Variants in MTIF2 observed in about 807,000 individuals in gnomAD.
MTIF2 encodes the protein translation initiation factor IF-2, mitochondrial.
A neutral mutation model predicts 83.5 loss-of-function variants in MTIF2; 71 were observed. That is an observed-to-expected ratio of 0.85 (90% CI 0.70 to 1.04). MTIF2 has a LOEUF of 1.04. Among genes scored for constraint, MTIF2 ranks in the 50% least tolerant of loss-of-function variants. The pLI is 0.00. For synonymous variants in MTIF2, 319 were observed against 287.1 expected (o/e 1.11, Z -1.12); for missense variants, 957 against 846.5 (o/e 1.13, Z -1.62).
intron 5 of MTIF2, among the ~76,000 whole-genome samples, chr2:55,255,889 T>C (rs953680238): frequency 6.6e-6 from 1 of 152,086 alleles, no homozygotes; most frequent in Non-Finnish European, 1.5e-5. Flanking sequence ...TTTCTCTTTT[T>C]TTTTGGGACA....
intron 5 of MTIF2, 21 bp from the exon 6 acceptor site, chr2:55,254,846 C>T: frequency 1.4e-6 from 2 of 1,449,834 alleles, no homozygotes; most frequent in Non-Finnish European, 1.8e-6. Flanking sequence ...TAAAATAAAA[C>T]CTTTTAGGAT....
At chr2:55,237,649 CTTTTTTT>C (rs536036933) in intron 14 of MTIF2, among the ~76,000 whole-genome samples, 11 of 112,988 alleles carry the variant, frequency 9.7e-5, no homozygotes, top group South Asian at 2.8e-4. Flanking sequence ...TTCTTTTTTT[CTTTTTTT>C]TTTTTTTTTT....
Position 55,236,613 on chromosome 2 carries a change from C to T in MTIF2, c.*35G>A. On this transcript the variant is annotated 3_prime_UTR_variant, in exon 16 of 16. Transcript: ENST00000263629. ...TAGTGCATTTCTACCTTCAAACAAA[C>T]AACACGTTGAGTTATTTACATTTTT... 3 of 1,537,154 alleles carry T rather than the reference C, an allele frequency of 2.0e-6. No individual in the cohort carries two copies. The highest frequency in any genetic ancestry group is 2.6e-6 in the Non-Finnish European group (3 of 1,144,414).
intron 15 of MTIF2, 74 bp downstream of exon 15, chr2:55,237,214 A>T: frequency 1.4e-6 from 2 of 1,467,358 alleles, no homozygotes; most frequent in Non-Finnish European, 1.8e-6. Flanking sequence ...AGATGAACAG[A>T]TTTCAGATGG....
intron 5 of MTIF2, among the ~76,000 whole-genome samples, chr2:55,258,704 C>T (rs893780842): frequency 6.7e-6 from 1 of 149,800 alleles, no homozygotes; most frequent in Non-Finnish European, 1.5e-5. Flanking sequence ...CCCAGCTACT[C>T]GGGAGGCTGA....
intron 3 of MTIF2, among the ~76,000 whole-genome samples, chr2:55,265,651 A>G (rs573848990): frequency 1.4e-4 from 22 of 152,194 alleles, no homozygotes; most frequent in Middle Eastern, 3.4e-3. Flanking sequence ...ACATTTTAAT[A>G]TATATATTTT....
chr2:55,261,928 C>CAA (rs1356217453), intron 5 of MTIF2, among the ~76,000 whole-genome samples: 6 of 37,084 alleles, frequency 1.6e-4, no homozygotes, highest in Non-Finnish European at 2.7e-4. Context: ...GACCCTGTCT[C>CAA]AAAAAAAAAA....
intron 5 of MTIF2, among the ~76,000 whole-genome samples, chr2:55,255,458 A>T (rs1677443360): frequency 6.8e-6 from 1 of 146,352 alleles, no homozygotes; most frequent in African/African-American, 2.5e-5. Flanking sequence ...TATATATATA[A>T]ATCAAATATG....
chr2:55,249,665 A>G, intron 8 of MTIF2, 131 bp from the exon 9 acceptor site: 2 of 996,298 alleles, frequency 2.0e-6, no homozygotes, highest in South Asian at 3.3e-5. Flanking sequence ...ACAAAAGGCC[A>G]AAATGACCCA....
intron 3 of MTIF2, among the ~76,000 whole-genome samples, chr2:55,267,358 C>T (rs752234218): frequency 6.6e-6 from 1 of 151,920 alleles, no homozygotes; most frequent in Non-Finnish European, 1.5e-5. Flanking sequence ...GGGGTTTCAC[C>T]GTGTTGGCCA....
At chr2:55,255,893 T>TGGG (rs202213298) in intron 5 of MTIF2, among the ~76,000 whole-genome samples, 11,647 of 151,880 alleles carry the variant, frequency 0.077, 1,442 homozygotes, top group African/African-American at 0.26. Flanking sequence ...TCTTTTTTTT[T>TGGG]GGGACAGAGT....
chr2:55,237,154 G>A, intron 15 of MTIF2, 134 bp downstream of exon 15: 1 of 1,023,200 alleles, frequency 9.8e-7, no homozygotes, highest in Non-Finnish European at 1.4e-6. Context: ...GACAATTTAG[G>A]GGTTTCAATA....
At chr2:55,268,339 T>C (rs1185613246) in intron 2 of MTIF2, among the ~76,000 whole-genome samples, 1 of 152,162 alleles carries the variant, frequency 6.6e-6, no homozygotes, top group African/African-American at 2.4e-5. Context: ...AAATATCTTA[T>C]TTACGTTTGT....
At chr2:55,237,466 A>G (rs753635131) in intron 14 of MTIF2, 38 bp from the exon 15 acceptor site, 1 of 1,545,568 alleles carries the variant, frequency 6.5e-7, no homozygotes, top group East Asian at 2.3e-5. Context: ...CAGAAAACTA[A>G]AGATTCTGAT....
At chr2:55,238,194 T>C (rs1399766975) in intron 14 of MTIF2, among the ~76,000 whole-genome samples, 1 of 135,576 alleles carries the variant, frequency 7.4e-6, no homozygotes, top group Non-Finnish European at 1.6e-5. Flanking sequence ...CCATGCCCAC[T>C]AATTTTTTTA....
chr2:55,242,854 T>C (rs1331885307), intron 13 of MTIF2, 86 bp downstream of exon 13: 2 of 1,393,792 alleles, frequency 1.4e-6, no homozygotes. Flanking sequence ...ATGTCAGGTG[T>C]GACAAGCCAA....
At chr2:55,268,121 C>T (rs542261552) in intron 2 of MTIF2, among the ~76,000 whole-genome samples, 1 of 151,880 alleles carries the variant, frequency 6.6e-6, no homozygotes, top group Non-Finnish European at 1.5e-5. Context: ...GGTACGGTGG[C>T]GGGCGCCTGT....
intron 4 of MTIF2, 114 bp from the exon 5 acceptor site, chr2:55,262,541 CTT>C (rs66500251): frequency 0.014 from 3,992 of 279,636 alleles, no homozygotes; most frequent in East Asian, 0.022. Flanking sequence ...CTTTTTTTTT[CTT>C]TTTTTTTTTT....
At chr2:55,254,451 T>G (rs534927982) in intron 6 of MTIF2, among the ~76,000 whole-genome samples, 28 of 152,318 alleles carry the variant, frequency 1.8e-4, no homozygotes, top group African/African-American at 6.7e-4. Context: ...AATGTATACA[T>G]TCAGCAAATT....
Sources: gnomAD v4.1 joint callset for allele counts (sites outside exome capture counted in the v4.1 genomes callset) on GRCh38, gnomAD v4.1.1 for gene constraint, MANE v1.5 for transcripts, NCBI Gene and HGNC (gene_info 2026-07-23, HGNC 2026-07-21) for gene names.